EVC: variants seen among roughly 807,000 people sequenced by gnomAD.
EVC encodes the protein EvC ciliary complex subunit 1.
Under a neutral mutation model 118.9 loss-of-function variants are expected in EVC, and 116 were observed. That is an observed-to-expected ratio of 0.98 (90% CI 0.84 to 1.14). The LOEUF is 1.14. EVC is among the 50% of genes most tolerant of loss of function. The probability of loss-of-function intolerance (pLI) is 0.00; values close to 1 mark genes in which losing one functional copy is unlikely to be tolerated. For missense variants in EVC, 1,401 were observed against 1,246.4 expected, an observed-to-expected ratio of 1.12 and a Z score of -1.87; for synonymous variants, 619 against 534.7, an observed-to-expected ratio of 1.16 and a Z score of -2.18.
the EVC span, chr4:5,824,709 G>A: frequency 2.0e-6 from 2 of 979,240 alleles, no homozygotes; most frequent in Non-Finnish European, 2.4e-6. Context: ...AAAGCCTAAA[G>A]TATTTACTAT....
the EVC span, chr4:5,828,089 G>T: frequency 1.0e-6 from 1 of 985,422 alleles, no homozygotes; most frequent in Non-Finnish European, 1.2e-6. Flanking sequence ...GGCCAGACCC[G>T]AGGGTTTCTG....
chr4:5,728,587 C>G (rs976068399), intron 2 of EVC, among the ~76,000 whole-genome samples: 7 of 152,192 alleles, frequency 4.6e-5, no homozygotes, highest in African/African-American at 1.7e-4. Context: ...CTTCTCTTTT[C>G]TAGTGACTCA....
At chr4:5,780,657 A>G (rs1560395741) in intron 11 of EVC, among the ~76,000 whole-genome samples, 1 of 152,226 alleles carries the variant, frequency 6.6e-6, no homozygotes, top group Non-Finnish European at 1.5e-5. Flanking sequence ...GGTCTTGTCC[A>G]TGAGAAGGAC....
rs149529210 is a variant in EVC at position 5,717,622 on chromosome 4, C to T, written c.175-1626C>T. 5.3e-5 allele frequency among the ~76,000 whole-genome samples: 8 copies of T among 152,122 alleles called. No individual in the cohort carries two copies. The East Asian group carries it at 1.5e-3, about 29-fold the overall frequency. ...GCTTCATCATCCACCCCAAGACCCA[C>T]GACAGACTGCTGCATCTACACAGGT... On this transcript the variant is annotated intron_variant, in intron 1 of 20. Coordinates refer to ENST00000264956, the MANE Select transcript of EVC (RefSeq NM_153717.3).
At chr4:5,780,544 A>T (rs1229591275) in intron 11 of EVC, among the ~76,000 whole-genome samples, 1 of 152,116 alleles carries the variant, frequency 6.6e-6, no homozygotes, top group African/African-American at 2.4e-5. Flanking sequence ...AGTGTTCTTG[A>T]CTCAAATTAG....
chr4:5,784,352 C>T (rs899716855), intron 12 of EVC, among the ~76,000 whole-genome samples: 1 of 152,050 alleles, frequency 6.6e-6, no homozygotes, highest in Non-Finnish European at 1.5e-5. Context: ...ATGTTCTAAG[C>T]AGAGGTCGGA....
At chr4:5,776,792 T>A (rs1734778616) in intron 11 of EVC, among the ~76,000 whole-genome samples, 1 of 152,210 alleles carries the variant, frequency 6.6e-6, no homozygotes, top group Non-Finnish European at 1.5e-5. Context: ...ATTAAACCTG[T>A]ACACTGAGTT....
In EVC at chr4:5,811,100, C is replaced by T; in HGVS notation, c.*63C>T. ...GGTCTGGGTGTGAATTCCACCTTCC[C>T]TCCTGCAGTGCTGAGAGGCAGCGAG... On this transcript the variant is annotated 3_prime_UTR_variant, in exon 21 of 21. Transcript: ENST00000264956. 7.4e-7 allele frequency: 1 copy of T among 1,345,628 alleles called. No homozygotes were observed. Among genetic ancestry groups the T allele is most frequent in the Admixed American group, 1.9e-5 (1 of 53,702 alleles). 83.4% of individuals were successfully genotyped at this position (1,345,628 alleles called of 1,614,324 possible). A position where few individuals can be genotyped will look rare whatever the true frequency, so the allele number is the denominator to read the frequency against.
chr4:5,747,872 G>C (rs1455089630), intron 7 of EVC, among the ~76,000 whole-genome samples: 1 of 152,168 alleles, frequency 6.6e-6, no homozygotes, highest in Admixed American at 6.5e-5. Context: ...GAGTCTGTAG[G>C]CTGGACAAGC....
chr4:5,771,342 C>T (rs1237055228), intron 11 of EVC, among the ~76,000 whole-genome samples: 1 of 152,150 alleles, frequency 6.6e-6, no homozygotes, highest in Non-Finnish European at 1.5e-5. Context: ...ACTCCTGCCT[C>T]TGCTTCCACC....
Position 5,793,725 on chromosome 4 carries a change from C to G in EVC, c.1886+8C>G, listed in dbSNP as rs754874203. ...GGGCGGCCTCACTGAAGAGTGAGTA[C>G]AGCTCCCTGAAGGCCCAGGGCTTTG... On this transcript the variant is annotated splice_region_variant and intron_variant, in intron 13 of 20. Transcript: ENST00000264956. 2.6e-6 allele frequency: 4 copies of G among 1,545,950 alleles called. No individual in the cohort carries two copies. Among genetic ancestry groups the G allele is most frequent in the Non-Finnish European group, 2.6e-6 (3 of 1,143,432 alleles).
intron 16 of EVC, among the ~76,000 whole-genome samples, chr4:5,804,500 A>G (rs2152373928): frequency 1.3e-5 from 2 of 152,292 alleles, no homozygotes; most frequent in South Asian, 4.1e-4. Flanking sequence ...CAAGAAAGCT[A>G]CAGGTGGAGC....
At chr4:5,722,829 G>A (rs536126514) in intron 2 of EVC, among the ~76,000 whole-genome samples, 13 of 152,092 alleles carry the variant, frequency 8.5e-5, no homozygotes, top group Non-Finnish European at 1.8e-4. Flanking sequence ...TGTACATTTC[G>A]CTGCAACCAA....
Position 5,711,299 on chromosome 4 carries a change from C to A in EVC, c.-82C>A. 1 of 946,820 alleles carries A rather than the reference C, an allele frequency of 1.1e-6. No homozygotes were observed. Among genetic ancestry groups the A allele is most frequent in the Non-Finnish European group, 1.3e-6 (1 of 790,888 alleles). 58.7% of individuals were successfully genotyped at this position (946,820 alleles called of 1,614,324 possible). On this transcript the variant is annotated 5_prime_UTR_variant, in exon 1 of 21. Transcript: ENST00000264956. ...GGGCCGCGCCCCTGGCCCGCCCGGG[C>A]TCCAAGTCCCGCGTCGCCGCCCTGG...
At chr4:5,794,002 A>T (rs1001161916) in intron 13 of EVC, among the ~76,000 whole-genome samples, 12 of 151,942 alleles carry the variant, frequency 7.9e-5, no homozygotes, top group Admixed American at 7.9e-4. Flanking sequence ...AGTAAATTTT[A>T]CAGAGTTCTA....
At chr4:5,775,841 G>C (rs989387939) in intron 11 of EVC, among the ~76,000 whole-genome samples, 2 of 152,134 alleles carry the variant, frequency 1.3e-5, no homozygotes, top group African/African-American at 4.8e-5. Context: ...ATCTCATATA[G>C]TTGTTGATTA....
At position 5,811,051 on chromosome 4, in the gene EVC, G is replaced by C. The variant is rs2291151; in HGVS notation, c.*14G>C. 1.2e-6 allele frequency: 2 copies of C among 1,601,872 alleles called. No homozygotes were observed. The highest frequency in any genetic ancestry group is 3.4e-5 in the Admixed American group (2 of 59,118). ...AGCAACTTGTAGTTTAAGACCAGTC[G>C]GTGGGACAAGACCTGAAGCCCTGGG... On this transcript the variant is annotated 3_prime_UTR_variant, in exon 21 of 21. Transcript: ENST00000264956.
At chr4:5,810,267 G>T in intron 19 of EVC, 72 bp from the exon 20 acceptor site, 2 of 1,189,600 alleles carry the variant, frequency 1.7e-6, no homozygotes, top group Non-Finnish European at 2.5e-6. Flanking sequence ...GGCTGGGTTG[G>T]TGTGAGGCTG....
intron 11 of EVC, among the ~76,000 whole-genome samples, chr4:5,767,604 G>C (rs921042726): frequency 6.6e-6 from 1 of 151,450 alleles, no homozygotes; most frequent in Non-Finnish European, 1.5e-5. Context: ...ATCTCCTGGT[G>C]AGCCGTTTTT....
Sources: gnomAD v4.1 joint callset for allele counts (sites outside exome capture counted in the v4.1 genomes callset) on GRCh38, gnomAD v4.1.1 for gene constraint, MANE v1.5 for transcripts, NCBI Gene and HGNC (gene_info 2026-07-23, HGNC 2026-07-21) for gene names.